The following PCOLCE2 variants were observed in gnomAD, a reference collection of about 807,000 sequenced individuals.
PCOLCE2 encodes the protein procollagen C-endopeptidase enhancer 2.
A neutral mutation model predicts 47.0 loss-of-function variants in PCOLCE2; 42 were observed. That is an observed-to-expected ratio of 0.89 (90% CI 0.70 to 1.16). PCOLCE2 has a LOEUF of 1.16. Among genes scored for constraint, PCOLCE2 ranks in the 50% most tolerant of loss-of-function variants. The probability of loss-of-function intolerance (pLI) is 0.00; values close to 1 mark genes in which losing one functional copy is unlikely to be tolerated. For missense variants in PCOLCE2, 500 were observed against 526.1 expected (o/e 0.95, Z 0.49); for synonymous variants, 169 against 191.7 (o/e 0.88, Z 0.98).
chr3:142,844,926 AC>A (rs1180889471), intron 3 of PCOLCE2, among the ~76,000 whole-genome samples: 2 of 152,108 alleles, frequency 1.3e-5, no homozygotes, highest in African/African-American at 4.8e-5. Context: ...CTTTCAACCA[AC>A]TTGGTCTTTG....
rs374478289 is a variant in PCOLCE2, at chr3:142,888,813, C to T, written c.83+1G>A. The T allele has an allele frequency of 3.3e-6, 5 of 1,521,252 alleles. No individual in the cohort carries two copies. The highest frequency in any genetic ancestry group is 4.4e-6 in the Non-Finnish European group (5 of 1,134,964). 94.2% of individuals were successfully genotyped at this position (1,521,252 alleles called of 1,614,324 possible). On this transcript the variant is annotated splice_donor_variant, in intron 1 of 8. Transcript: ENST00000295992. LOFTEE classifies it high-confidence loss of function. ...GGGAGCCCGGGCAGGGGTCGCGTTA[C>T]CTCTCTGGGGACTGCTGCCGCGAGA...
intron 2 of PCOLCE2, chr3:142,864,397 G>T (rs945775188): frequency 1.3e-5 from 2 of 152,156 alleles, no homozygotes; most frequent in Admixed American, 6.5e-5. Flanking sequence ...TTGGCCACAA[G>T]TTTCAGGCCA....
chr3:142,886,801 T>C (rs917257433), intron 2 of PCOLCE2, among the ~76,000 whole-genome samples: 2 of 152,230 alleles, frequency 1.3e-5, no homozygotes, highest in Admixed American at 6.5e-5. Flanking sequence ...TGGGTGATTA[T>C]ACTTGCTAAC....
chr3:142,880,238 T>TAAA (rs74558225), intron 2 of PCOLCE2, among the ~76,000 whole-genome samples: 1 of 140,138 alleles, frequency 7.1e-6, no homozygotes, highest in Non-Finnish European at 1.6e-5. Context: ...ACATATACAT[T>TAAA]AAAAAAAAAA....
intron 2 of PCOLCE2, among the ~76,000 whole-genome samples, chr3:142,871,243 T>C (rs1028118231): frequency 7.2e-5 from 11 of 152,244 alleles, no homozygotes; most frequent in African/African-American, 2.7e-4. Flanking sequence ...ATGGTTCCCA[T>C]GCTGGCCCAA....
At chr3:142,820,806 A>T in intron 8 of PCOLCE2, 72 bp downstream of exon 8, 1 of 1,322,674 alleles carries the variant, frequency 7.6e-7, no homozygotes, top group Non-Finnish European at 1.1e-6. Context: ...CCCTGATTTT[A>T]CTTCCCTAGA....
chr3:142,818,637 G>A (rs1560127713), intron 8 of PCOLCE2, among the ~76,000 whole-genome samples, 172 bp from the exon 9 acceptor site: 1 of 152,072 alleles, frequency 6.6e-6, no homozygotes, highest in African/African-American at 2.4e-5. Flanking sequence ...TAGAGATGGG[G>A]GTCTTGCCAT....
chr3:142,847,791 G>A (rs1428160228), intron 3 of PCOLCE2, among the ~76,000 whole-genome samples: 10 of 152,140 alleles, frequency 6.6e-5, no homozygotes, highest in Non-Finnish European at 1.3e-4. Context: ...CCTGCCCTTG[G>A]TCCCCCAGTG....
intron 6 of PCOLCE2, among the ~76,000 whole-genome samples, chr3:142,825,431 C>A (rs981617884): frequency 6.6e-6 from 1 of 152,114 alleles, no homozygotes; most frequent in Non-Finnish European, 1.5e-5. Context: ...TGTGTTCCCG[C>A]GATCGTTTCT....
At chr3:142,883,958 C>T (rs947501999) in intron 2 of PCOLCE2, among the ~76,000 whole-genome samples, 2 of 152,128 alleles carry the variant, frequency 1.3e-5, no homozygotes, top group Non-Finnish European at 2.9e-5. Flanking sequence ...GGGAACACAT[C>T]CTAGCAGGTA....
chr3:142,836,797 C>T (rs1156444743), intron 5 of PCOLCE2, among the ~76,000 whole-genome samples: 1 of 150,702 alleles, frequency 6.6e-6, no homozygotes, highest in African/African-American at 2.4e-5. Context: ...AGAGGATAAA[C>T]ATGAAGAAAA....
chr3:142,831,720 T>C (rs1937154675), intron 5 of PCOLCE2, among the ~76,000 whole-genome samples: 1 of 152,184 alleles, frequency 6.6e-6, no homozygotes, highest in Non-Finnish European at 1.5e-5. Context: ...AAAAAAGCAC[T>C]TATAAGCAGC....
At chr3:142,849,152 C>CA (rs11314094) in intron 2 of PCOLCE2, among the ~76,000 whole-genome samples, 180 of 145,462 alleles carry the variant, frequency 1.2e-3, no homozygotes, top group African/African-American at 2.3e-3. Context: ...GACTCCACCT[C>CA]AAAAAAAAAA....
At chr3:142,824,557 T>C (rs1355870124) in intron 6 of PCOLCE2, among the ~76,000 whole-genome samples, 1 of 152,214 alleles carries the variant, frequency 6.6e-6, no homozygotes, top group East Asian at 1.9e-4. Flanking sequence ...GTAACAGAAT[T>C]GCCCTTGTTG....
chr3:142,887,820 G>C, intron 1 of PCOLCE2, 43 bp from the exon 2 acceptor site: 2 of 1,079,606 alleles, frequency 1.9e-6, no homozygotes, highest in Non-Finnish European at 2.9e-6. Context: ...TTTGAAACAT[G>C]GTCTAACAAT....
At chr3:142,841,763 CTGTTCAAGCTATATGAAAGGTTAA>C (rs1216497921) in intron 4 of PCOLCE2, among the ~76,000 whole-genome samples, 6 of 152,112 alleles carry the variant, frequency 3.9e-5, no homozygotes, top group African/African-American at 1.4e-4. Flanking sequence ...CAAATGGTAT[CTGTTCAAGCTATATGAAAGGTTAA>C]TTTAGAAAAG....
At chr3:142,841,669 C>T (rs982512569) in intron 4 of PCOLCE2, among the ~76,000 whole-genome samples, 7 of 152,046 alleles carry the variant, frequency 4.6e-5, no homozygotes, top group Non-Finnish European at 1.0e-4. Context: ...CTGTTTATGT[C>T]TGTATATATG....
intron 3 of PCOLCE2, among the ~76,000 whole-genome samples, chr3:142,847,276 C>G (rs959746210): frequency 2.6e-4 from 39 of 152,148 alleles, no homozygotes; most frequent in African/African-American, 9.4e-4. Flanking sequence ...AGATTTTATA[C>G]GAATATTTTG....
At chr3:142,858,487 T>C (rs563124400) in intron 2 of PCOLCE2, among the ~76,000 whole-genome samples, 41 of 152,306 alleles carry the variant, frequency 2.7e-4, no homozygotes, top group Middle Eastern at 3.4e-3. Flanking sequence ...CACAGCAACA[T>C]ACACACACAC....
Sources: allele counts gnomAD v4.1 joint callset (sites outside exome capture counted in the v4.1 genomes callset), GRCh38; gene constraint gnomAD v4.1.1; transcripts MANE v1.5; gene names NCBI Gene and HGNC (gene_info 2026-07-23, HGNC 2026-07-21).